The following ACSBG1 variants were observed in gnomAD, a reference collection of about 807,000 sequenced individuals.
The protein encoded by ACSBG1 is acyl-CoA synthetase bubblegum family member 1, also known as long-chain-fatty-acid--CoA ligase ACSBG1.
ACSBG1 carries 39 observed loss-of-function variants against 80.2 expected under a neutral mutation model. The observed-to-expected ratio is 0.49, with a 90% CI of 0.38 to 0.64. The LOEUF (loss-of-function observed/expected upper bound fraction) is 0.64. ACSBG1 is among the 30% of genes least tolerant of loss of function. The pLI is 0.00. For synonymous variants in ACSBG1, 392 were observed against 379.5 expected (o/e 1.03, Z -0.38); for missense variants, 828 against 966.4 (o/e 0.86, Z 1.90).
At chr15:78,211,054 G>C (rs572961650) in intron 1 of ACSBG1, among the ~76,000 whole-genome samples, 1 of 152,204 alleles carries the variant, frequency 6.6e-6, no homozygotes. Flanking sequence ...AGCCAAGCTC[G>C]TTAGAACTTA....
intron 1 of ACSBG1, among the ~76,000 whole-genome samples, chr15:78,230,372 C>G (rs573240222): frequency 5.9e-5 from 9 of 152,338 alleles, no homozygotes; most frequent in African/African-American, 2.2e-4. Context: ...AAGCCCTCCT[C>G]GGGCTCTCAG....
intron 2 of ACSBG1, among the ~76,000 whole-genome samples, chr15:78,203,221 G>T (rs1326601910): frequency 2.0e-5 from 3 of 152,032 alleles, no homozygotes; most frequent in Non-Finnish European, 4.4e-5. Flanking sequence ...TAAGATCAGT[G>T]CAACCATCAG....
At chr15:78,199,716 T>C (rs1217983281) in intron 2 of ACSBG1, among the ~76,000 whole-genome samples, 4 of 151,302 alleles carry the variant, frequency 2.6e-5, no homozygotes, top group Non-Finnish European at 5.9e-5. Context: ...AGGCTGGTCT[T>C]GAACTCCTGG....
rs1464533166 is a variant in ACSBG1, at chr15:78,212,415, A to G, written c.132-4313T>C. ...AAGAAGAAAAGGATAACTTGGCAAG[A>G]TTGAGAGGGTGACCAGCAGAATGAA... On this transcript the variant is annotated intron_variant, in intron 1 of 13. Transcript: ENST00000258873. 7 of 378,600 alleles carry G rather than the reference A, an allele frequency of 1.8e-5. No homozygotes were observed. The Admixed American group carries it at 2.2e-4, about 12-fold the overall frequency. 23.5% of individuals were successfully genotyped at this position (378,600 alleles called of 1,614,324 possible).
intron 2 of ACSBG1, among the ~76,000 whole-genome samples, chr15:78,203,719 G>C (rs1335382203): frequency 6.6e-6 from 1 of 152,266 alleles, no homozygotes; most frequent in Non-Finnish European, 1.5e-5. Context: ...GAGAGCGGGA[G>C]GCTGGGGCTG....
intron 1 of ACSBG1, among the ~76,000 whole-genome samples, chr15:78,226,829 A>C (rs1432204853): frequency 1.4e-5 from 2 of 147,746 alleles, no homozygotes; most frequent in Non-Finnish European, 3.0e-5. Context: ...TTGAAATAGC[A>C]AAGATTTCTT....
intron 2 of ACSBG1, 79 bp downstream of exon 2, chr15:78,207,923 A>ACCCCCCCCCCCCCCCCC: frequency 7.0e-6 from 2 of 284,792 alleles, no homozygotes; most frequent in Admixed American, 4.3e-5. Context: ...GTGGTCCCCC[A>ACCCCCCCCCCCCCCCCC]CACCACCCAC....
At chr15:78,207,516 G>A (rs1245863262) in intron 2 of ACSBG1, among the ~76,000 whole-genome samples, 1 of 151,762 alleles carries the variant, frequency 6.6e-6, no homozygotes, top group Non-Finnish European at 1.5e-5. Flanking sequence ...CTTCCTTAAG[G>A]CACAATTATT....
intron 1 of ACSBG1, chr15:78,209,329 C>G (rs555138136): frequency 2.2e-6 from 1 of 445,508 alleles, no homozygotes; most frequent in East Asian, 7.0e-5. Flanking sequence ...ACTGGGGAAC[C>G]AAGGTGGCGC....
Position 78,182,726 on chromosome 15 carries a change from G to A in ACSBG1, c.723C>T (p.Asn241=). 1.2e-6 allele frequency: 2 copies of A among 1,614,262 alleles called. No individual in the cohort carries two copies. Among genetic ancestry groups the A allele is most frequent in the East Asian group, 4.5e-5 (2 of 44,884 alleles). Reference sequence around the variant, plus strand: ...ATACCGTGTACACATTGGCCATCTTGTTTGGAGGAGGTTCTTTATATATCA... The same window carrying A: ...ATACCGTGTACACATTGGCCATCTTATTTGGAGGAGGTTCTTTATATATCA... The part of the protein sequence containing the change: ...AVVIYKEPPP[N]KMANVYTMEE... Residue 241 remains asparagine, a synonymous_variant, in exon 6 of 14, where the codon AAC becomes AAT. Transcript: ENST00000258873.
intron 8 of ACSBG1, among the ~76,000 whole-genome samples, chr15:78,181,525 A>ACGC (rs1254881794): frequency 9.4e-6 from 1 of 105,954 alleles, no homozygotes; most frequent in African/African-American, 3.8e-5. Context: ...AGACTGGGCC[A>ACGC]TGCTGTTGCC....
chr15:78,230,706 G>A (rs1319899673), intron 1 of ACSBG1, among the ~76,000 whole-genome samples: 9 of 152,220 alleles, frequency 5.9e-5, no homozygotes, highest in Non-Finnish European at 1.0e-4. Context: ...TTATAAGGGG[G>A]AGTTTTTCTG....
rs116370504 is a variant in ACSBG1, at chr15:78,181,482, C to T, written c.1071+487G>A. 1.6e-3 allele frequency among the ~76,000 whole-genome samples: 232 copies of T among 144,828 alleles called. 2 individuals are homozygous for T. Among genetic ancestry groups the T allele is most frequent in the African/African-American group, 5.1e-3 (202 of 39,256 alleles). On this transcript the variant is annotated intron_variant, in intron 8 of 13. Coordinates refer to ENST00000258873, the MANE Select transcript of ACSBG1 (RefSeq NM_015162.5). Reference sequence around the variant, plus strand: ...CTGACTCGACCTTATGTAATGGCATCAGGTTTCTTTTTTTTTTTTTTTTTT... The same window carrying T: ...CTGACTCGACCTTATGTAATGGCATTAGGTTTCTTTTTTTTTTTTTTTTTT...
At chr15:78,182,355 A>C in intron 7 of ACSBG1, 111 bp downstream of exon 7, 1 of 1,444,940 alleles carries the variant, frequency 6.9e-7, no homozygotes, top group South Asian at 1.2e-5. Flanking sequence ...CCCAGCTCCT[A>C]GAGCAGAGGG....
intron 1 of ACSBG1, among the ~76,000 whole-genome samples, chr15:78,233,822 G>A (rs1407285379): frequency 6.6e-6 from 1 of 152,204 alleles, no homozygotes; most frequent in East Asian, 1.9e-4. Flanking sequence ...GGTGGGCATT[G>A]GTGAATGCCT....
rs1314188157 is a variant in ACSBG1, at chr15:78,168,299, T to C, written c.*3145A>G. On this transcript the variant is annotated 3_prime_UTR_variant, in exon 14 of 14. Coordinates refer to ENST00000258873, the MANE Select transcript of ACSBG1 (RefSeq NM_015162.5). ...GTTAATGATTTAAATATTTCTTTCG[T>C]ATTTGTGTCCCAGCCTCCAAAAATA... 1 of 151,950 alleles carries C rather than the reference T, an allele frequency of 6.6e-6. No individual in the cohort carries two copies. The highest frequency in any genetic ancestry group is 1.9e-4 in the East Asian group (1 of 5,192). The allele number at this position is 151,950 out of a possible 1,614,324, so 9.4% of individuals were successfully genotyped here.
At position 78,183,660 on chromosome 15, in the gene ACSBG1, G is replaced by T. The variant is rs370841781; in HGVS notation, c.664-875C>A. Among the ~76,000 whole-genome samples the T allele has an allele frequency of 3.3e-5, 5 of 152,326 alleles. No homozygotes were observed. The East Asian group carries it at 9.6e-4, about 29-fold the overall frequency. ...GCGGGAATAAAGGGAAGAAGAAAGGGATGGAAGCAAAAATTCTTTGAGTGT... is the reference window on the plus strand; with the variant it reads ...GCGGGAATAAAGGGAAGAAGAAAGGTATGGAAGCAAAAATTCTTTGAGTGT... On this transcript the variant is annotated intron_variant, in intron 5 of 13. Coordinates refer to ENST00000258873, the MANE Select transcript of ACSBG1 (RefSeq NM_015162.5).
chr15:78,212,508 CG>C (rs1567094865), intron 1 of ACSBG1: 1 of 453,864 alleles, frequency 2.2e-6, no homozygotes, highest in Non-Finnish European at 4.4e-6. Flanking sequence ...AGACTGGCTG[CG>C]GGGCAGGAGG....
At chr15:78,221,375 G>A (rs575245299) in intron 1 of ACSBG1, among the ~76,000 whole-genome samples, 1 of 152,164 alleles carries the variant, frequency 6.6e-6, no homozygotes, top group Non-Finnish European at 1.5e-5. Context: ...GTGCCCAGAC[G>A]TGCACGTAGG....
Sources: allele counts gnomAD v4.1 joint callset (sites outside exome capture counted in the v4.1 genomes callset), GRCh38; gene constraint gnomAD v4.1.1; transcripts MANE v1.5; gene names NCBI Gene and HGNC (gene_info 2026-07-23, HGNC 2026-07-21).